The following AKAP13 variants were observed in gnomAD, a reference collection of about 807,000 sequenced individuals.
The protein encoded by AKAP13 is A-kinase anchoring protein 13.
In AKAP13, 80 loss-of-function variants were observed where a neutral mutation model predicts 264.5. That is an observed-to-expected ratio of 0.30 (90% CI 0.25 to 0.36). The LOEUF is 0.36. Among genes scored for constraint, AKAP13 ranks in the 10% least tolerant of loss-of-function variants. The probability of loss-of-function intolerance (pLI) is 1.00; values close to 1 mark genes in which losing one functional copy is unlikely to be tolerated. For missense variants in AKAP13, 3,712 were observed against 3,435.2 expected, an observed-to-expected ratio of 1.08 and a Z score of -2.01; for synonymous variants, 1,380 against 1,250.2, an observed-to-expected ratio of 1.10 and a Z score of -2.19.
chr15:85,531,497 T>C (rs2077240794), intron 3 of AKAP13, among the ~76,000 whole-genome samples: 1 of 152,272 alleles, frequency 6.6e-6, no homozygotes, highest in Non-Finnish European at 1.5e-5. Flanking sequence ...CATTTTCTGC[T>C]AGAAAAATAG....
chr15:85,477,195 A>G (rs1268674848), intron 1 of AKAP13, among the ~76,000 whole-genome samples: 1 of 151,992 alleles, frequency 6.6e-6, no homozygotes, highest in Non-Finnish European at 1.5e-5. Context: ...GTGCTACAGA[A>G]TGAAAATAGC....
At chr15:85,498,227 T>TATATATATATATATATATATATAA (rs2075941188) in intron 2 of AKAP13, among the ~76,000 whole-genome samples, 1 of 137,022 alleles carries the variant, frequency 7.3e-6, no homozygotes, top group Non-Finnish European at 1.6e-5. Context: ...TATATATATA[T>TATATATATATATATATATATATAA]CACATTGAGC....
chr15:85,438,364 A>G (rs991351766), intron 1 of AKAP13, among the ~76,000 whole-genome samples: 2 of 151,162 alleles, frequency 1.3e-5, no homozygotes, highest in Admixed American at 6.6e-5. Context: ...GGTAGGAAGA[A>G]TCAATATCGT....
Position 85,664,714 on chromosome 15 carries a change from C to G in AKAP13, c.4951C>G (p.Leu1651Val). Residue 1651 changes from leucine to valine, a missense_variant, in exon 13 of 37, where the codon CTG becomes GTG. Leu to Val is a conservative substitution (Grantham distance 32). Around this residue, in one of 3 missense-constraint regions of AKAP13, gnomAD observed 2,759 missense variants for 2,411.7 expected, o/e 1.14. Transcript: ENST00000394518. ...DSLVSLSEED[L>V]ESDQREHRMF... Reference sequence around the variant, plus strand: ...TTTGGTGTCACTTTCAGAAGAGGATCTGGAGTCAGACCAGAGAGAACATAG... The same window carrying G: ...TTTGGTGTCACTTTCAGAAGAGGATGTGGAGTCAGACCAGAGAGAACATAG... 1.2e-6 allele frequency: 2 copies of G among 1,614,004 alleles called. No homozygotes were observed. Among genetic ancestry groups the G allele is most frequent in the Non-Finnish European group, 1.7e-6 (2 of 1,179,924 alleles).
chr15:85,682,165 G>T lies in AKAP13; in HGVS notation c.5109G>T (p.Arg1703=). The change falls in exon 15 of 37, where the codon CGG becomes CGT. Residue 1703 remains arginine, a synonymous_variant. Coordinates refer to ENST00000394518, the MANE Select transcript of AKAP13 (RefSeq NM_007200.5). ...TTCTGCCTTGTTTTCTAGATTCACGGCCCTTCCACAGTACCTTCCACAATA... is the reference window on the plus strand; with the variant it reads ...TTCTGCCTTGTTTTCTAGATTCACGTCCCTTCCACAGTACCTTCCACAATA... ...TISHPGLDNS[R]PFHSTFHNTS... 1 of 1,613,400 alleles carries T rather than the reference G, an allele frequency of 6.2e-7. No homozygotes were observed. The highest frequency in any genetic ancestry group is 2.2e-5 in the East Asian group (1 of 44,828).
chr15:85,500,408 T>C (rs1404162809), intron 2 of AKAP13, among the ~76,000 whole-genome samples: 1 of 152,208 alleles, frequency 6.6e-6, no homozygotes, highest in Admixed American at 6.5e-5. Flanking sequence ...TTTAAAGTTC[T>C]AGTATGTTGA....
At chr15:85,693,150 CTTTG>C in intron 16 of AKAP13, 123 bp from the exon 17 acceptor site, 1 of 1,372,924 alleles carries the variant, frequency 7.3e-7, no homozygotes, top group East Asian at 2.8e-5. Context: ...TTGCCCAGAA[CTTTG>C]TTTCTCACTC....
intron 8 of AKAP13, among the ~76,000 whole-genome samples, chr15:85,614,729 A>G (rs752920533): frequency 5.9e-5 from 9 of 152,332 alleles, no homozygotes; most frequent in Non-Finnish European, 1.3e-4. Context: ...AACTGAGTTT[A>G]AAGCAAATCT....
chr15:85,560,157 A>C lies in AKAP13; in HGVS notation c.663-14974A>C, dbSNP rs12900456. Among the ~76,000 whole-genome samples, 11 of 124,406 alleles carry C rather than the reference A, an allele frequency of 8.8e-5. 1 individual carries two copies. In the South Asian group the frequency reaches 2.4e-3, roughly 28 times the overall value. 81.6% of individuals were successfully genotyped at this position (124,406 alleles called of 152,430 possible). On this transcript the variant is annotated intron_variant, in intron 5 of 36. Transcript: ENST00000394518. ...AAAAAAAAAAAAAAAAAAAAAAAAA[A>C]CAGTAAAAATAAAATAATCAATTAA...
intron 32 of AKAP13, 79 bp downstream of exon 32, chr15:85,735,709 G>C: frequency 7.1e-7 from 1 of 1,413,552 alleles, no homozygotes; most frequent in Admixed American, 2.2e-5. Flanking sequence ...ATTTCACTTT[G>C]ATGTTGTTTT....
chr15:85,585,451 A>G lies in AKAP13; in HGVS notation c.4040-251A>G, dbSNP rs1204980378. 2.0e-5 allele frequency among the ~76,000 whole-genome samples: 3 copies of G among 152,234 alleles called. No individual in the cohort carries two copies. The East Asian group carries it at 5.8e-4, about 29-fold the overall frequency. On this transcript the variant is annotated intron_variant, in intron 7 of 36. Coordinates refer to ENST00000394518, the MANE Select transcript of AKAP13 (RefSeq NM_007200.5). ...AAGTCAATAGTGAAATGGATGTTCA[A>G]AAGACATTGAATTGGATCCTCGCTT...
At chr15:85,740,154 A>G in intron 33 of AKAP13, 68 bp from the exon 34 acceptor site, 9 of 1,523,186 alleles carry the variant, frequency 5.9e-6, no homozygotes, top group Non-Finnish European at 6.4e-6. Context: ...TCAGGTAAAC[A>G]TTAGTGTGAT....
intron 1 of AKAP13, among the ~76,000 whole-genome samples, chr15:85,403,880 CTCT>C (rs2071547243): frequency 2.0e-5 from 3 of 151,332 alleles, no homozygotes; most frequent in African/African-American, 7.3e-5. Context: ...ACGTGAAATG[CTCT>C]CTCTCTTTCC....
rs777734057 is a variant in AKAP13 at position 85,580,997 on chromosome 15, G to A, written c.2929G>A (p.Ala977Thr). The change falls in exon 7 of 37, where the codon GCA becomes ACA. Residue 977 changes from alanine to threonine, a missense_variant. Coordinates refer to ENST00000394518, the MANE Select transcript of AKAP13 (RefSeq NM_007200.5). Reference protein sequence around the residue: ...SISADCAKDKALQLSNSPGAS... With the variant: ...SISADCAKDKTLQLSNSPGAS... ...CTCAGCTGACTGTGCCAAGGACAAA[G>A]CACTTCAGCTAAGTAATTCACCGGG... 19 of 1,613,730 alleles carry A rather than the reference G, an allele frequency of 1.2e-5. No individual in the cohort carries two copies. Among genetic ancestry groups the A allele is most frequent in the Non-Finnish European group, 1.6e-5 (19 of 1,179,906 alleles).
chr15:85,605,624 G>A (rs565293138), intron 8 of AKAP13, among the ~76,000 whole-genome samples: 1 of 152,146 alleles, frequency 6.6e-6, no homozygotes, highest in East Asian at 1.9e-4. Context: ...CATGTAGCCC[G>A]GAACTTAAAA....
At chr15:85,489,431 G>A (rs995526039) in intron 2 of AKAP13, among the ~76,000 whole-genome samples, 2 of 152,200 alleles carry the variant, frequency 1.3e-5, no homozygotes, top group Non-Finnish European at 2.9e-5. Flanking sequence ...GAGTAACAGT[G>A]TATTGGATTC....
Position 85,674,536 on chromosome 15 carries a change from C to T in AKAP13, c.5101+4706C>T, listed in dbSNP as rs555379927. ...GCACTTTCCCTTGGGGTTGTTTTTA[C>T]ACCTTTGCTTATGGCATGTGAGTTT... On this transcript the variant is annotated intron_variant, in intron 14 of 36. Transcript: ENST00000394518. 7.2e-5 allele frequency among the ~76,000 whole-genome samples: 11 copies of T among 152,250 alleles called. No homozygotes were observed. The South Asian group carries it at 8.3e-4, about 11-fold the overall frequency.
chr15:85,680,975 G>A (rs531238351), intron 14 of AKAP13, among the ~76,000 whole-genome samples: 3 of 152,180 alleles, frequency 2.0e-5, no homozygotes, highest in East Asian at 3.9e-4. Context: ...GCGCCACCAC[G>A]CCTGGCCAAT....
rs560991477 is a variant in AKAP13, at chr15:85,741,241, G to A, written c.7804G>A (p.Glu2602Lys). Residue 2602 changes from glutamate to lysine, a missense_variant, in exon 35 of 37, where the codon GAG (glutamate) becomes AAG (lysine). Glu to Lys is a moderately conservative substitution (Grantham distance 56, BLOSUM62 1). Transcript: ENST00000394518. ...GTACCTCGAGGAGAAGCGCAGGCGC[G>A]AGCGTGAGTGGGAAGCTCGTGAGAG... is the stretch of plus-strand genomic sequence containing the variant. ...AQYLEEKRRR[E>K]REWEAREREL... is the part of the protein sequence containing the mutation. 3.9e-5 allele frequency: 62 copies of A among 1,609,096 alleles called. No individual in the cohort carries two copies. In the South Asian group the frequency reaches 5.6e-4, roughly 15 times the overall value.
Sources: allele counts gnomAD v4.1 joint callset (sites outside exome capture counted in the v4.1 genomes callset), GRCh38; gene constraint gnomAD v4.1.1; regional missense constraint gnomAD v4.1.1; transcripts MANE v1.5; gene names NCBI Gene and HGNC (gene_info 2026-07-23, HGNC 2026-07-21).